SH2B1: variants seen among roughly 807,000 people sequenced by gnomAD.
SH2B1 encodes the protein SH2B adapter protein 1.
SH2B1 carries 15 observed loss-of-function variants against 62.6 expected under a neutral mutation model. The observed-to-expected ratio is 0.24, with a 90% confidence interval of 0.16 to 0.37. SH2B1 has a LOEUF of 0.37. Ranked by LOEUF, SH2B1 falls within the 10% of genes least tolerant of loss-of-function variation. SH2B1 has a pLI of 1.00. For synonymous variants in SH2B1, 443 were observed against 438.0 expected (o/e 1.01, Z -0.14); for missense variants, 925 against 1,015.6 (o/e 0.91, Z 1.21).
In SH2B1 at chr16:28,873,556, A is replaced by T; in HGVS notation, c.2007A>T (p.Ala669=). 1 of 1,595,122 alleles carries T rather than the reference A, an allele frequency of 6.3e-7. No individual in the cohort carries two copies. The highest frequency in any genetic ancestry group is 8.5e-7 in the Non-Finnish European group (1 of 1,171,744). ...EASRAPEVAA[A]AAAAAKERQE... ...CGAGGGCGCCAGAAGTGGCGGCAGC[A>T]GCAGCCGCAGCAGCCAAAGAGAGGC... is the stretch of plus-strand genomic sequence containing the variant. Residue 669 remains alanine (A), a synonymous_variant, in exon 8 of 8, where the codon GCA becomes GCT. Transcript: ENST00000684370. The surrounding 1 kb of genome is among the most constrained non-coding windows in gnomAD (Gnocchi z 4.2).
At chr16:28,852,249 T>TATATATTTAC (rs1962122556) in intron 1 of SH2B1, among the ~76,000 whole-genome samples, 1 of 83,564 alleles carries the variant, frequency 1.2e-5, no homozygotes, top group Non-Finnish European at 2.1e-5. Context: ...TATATTTACA[T>TATATATTTAC]ATATATATTT....
intron 4 of SH2B1, among the ~76,000 whole-genome samples, chr16:28,870,255 G>A (rs1174238472): frequency 2.6e-5 from 4 of 152,190 alleles, no homozygotes; most frequent in Non-Finnish European, 5.9e-5. Context: ...TGCCTGAGAT[G>A]AGCTCCTTGT....
upstream of SH2B1, chr16:28,861,736 G>A (rs535285716): frequency 2.3e-4 from 35 of 152,422 alleles, no homozygotes; most frequent in Admixed American, 2.2e-3. Flanking sequence ...GCCCGGCCTT[G>A]AACATTCTTA....
intron 1 of SH2B1, 83 bp downstream of exon 1, chr16:28,867,116 G>T (rs535035695): frequency 1.3e-6 from 2 of 1,567,546 alleles, no homozygotes; most frequent in Admixed American, 1.7e-5. Flanking sequence ...AAGCTCTGGG[G>T]TTTACCAGCC....
At chr16:28,859,548 T>C (rs1037756863), upstream of SH2B1, among the ~76,000 whole-genome samples, 1 of 151,996 alleles carries the variant, frequency 6.6e-6, no homozygotes, top group Non-Finnish European at 1.5e-5. Context: ...TCCCTGAGAA[T>C]GAAGACAGTC....
At chr16:28,858,311 G>C (rs956713634) in intron 1 of SH2B1, among the ~76,000 whole-genome samples, 3 of 151,982 alleles carry the variant, frequency 2.0e-5, no homozygotes, top group Non-Finnish European at 4.4e-5. Flanking sequence ...TCAGGAGTTC[G>C]AGAGCAGCCT....
intron 1 of SH2B1, among the ~76,000 whole-genome samples, chr16:28,847,586 G>A (rs1309391193): frequency 6.6e-6 from 1 of 152,092 alleles, no homozygotes; most frequent in African/African-American, 2.4e-5. Context: ...GGGAGGCTGA[G>A]GTGGGAGGAC....
intron 1 of SH2B1, among the ~76,000 whole-genome samples, chr16:28,854,210 T>C (rs945964082): frequency 2.0e-5 from 3 of 151,664 alleles, no homozygotes; most frequent in African/African-American, 7.3e-5. Flanking sequence ...GGAGGATCAC[T>C]TGATCACTTG....
rs180911858 is a variant in SH2B1 at position 28,856,208 on chromosome 16, C to T, written c.-300-5410C>T. Among the ~76,000 whole-genome samples, 4 of 145,456 alleles carry T rather than the reference C, an allele frequency of 2.7e-5. No individual in the cohort carries two copies. The East Asian group carries it at 8.3e-4, about 30-fold the overall frequency. Reference sequence around the variant, plus strand: ...AGAATCACTTGAATCCGGAGGTGGACATTGCAGTGAGCCCAGATCACGCCA... The same window carrying T: ...AGAATCACTTGAATCCGGAGGTGGATATTGCAGTGAGCCCAGATCACGCCA... On this transcript the variant is annotated intron_variant, in intron 1 of 10. Transcript: ENST00000322610.
chr16:28,869,094 C>T lies in SH2B1; in HGVS notation c.1130C>T (p.Pro377Leu), dbSNP rs777552083. 1.9e-6 allele frequency: 3 copies of T among 1,613,970 alleles called. No individual in the cohort carries two copies. The African/African-American group carries it at 4.0e-5, about 22-fold the overall frequency. Residue 377 changes from proline to leucine, a missense_variant, in exon 3 of 8, where the codon CCA (proline) becomes CTA (leucine). Physicochemically the swap from Pro to Leu is moderately conservative, Grantham distance 98. Coordinates refer to ENST00000684370, the MANE Select transcript of SH2B1 (RefSeq NM_001387430.1). ...TCTGACATCCAAGAATGCCTGAGCC[C>T]AGGGTGAGAAGCCTGACTTCTGTCG... is the stretch of plus-strand genomic sequence containing the variant. ...WVSDIQECLS[P>L]GPCPATSPRP...
Position 28,864,054 on chromosome 16 carries a change from G to T in SH2B1, c.-2041G>T, listed in dbSNP as rs1258674974. 2.9e-6 allele frequency: 4 copies of T among 1,368,656 alleles called. No individual in the cohort carries two copies. Among genetic ancestry groups the T allele is most frequent in the East Asian group, 2.9e-5 (1 of 34,134 alleles). 84.8% of individuals were successfully genotyped at this position (1,368,656 alleles called of 1,614,324 possible). On this transcript the variant is annotated 5_prime_UTR_variant, in exon 1 of 8. Coordinates refer to ENST00000684370, the MANE Select transcript of SH2B1 (RefSeq NM_001387430.1). ...TGGGGGTGGGCGTGGAGGGCCGGGG[G>T]CTGGAGAGGCACTCGGCCCCGGAGA... is the stretch of plus-strand genomic sequence containing the variant.
upstream of SH2B1, among the ~76,000 whole-genome samples, chr16:28,859,879 C>G (rs866604379): frequency 8.7e-3 from 1,213 of 139,650 alleles, 22 homozygotes; most frequent in African/African-American, 0.032. Flanking sequence ...CCCCCCCCCC[C>G]CGGCTGTTTT....
upstream of SH2B1, chr16:28,862,152 G>A (rs1160159720): frequency 2.6e-5 from 4 of 152,190 alleles, no homozygotes; most frequent in South Asian, 4.1e-4. Context: ...ATGGGTGGAG[G>A]ATCTCACTGT....
At position 28,866,002 on chromosome 16, in the gene SH2B1, C is replaced by G. The variant is rs2152174658; in HGVS notation, c.-93C>G. The stretch of plus-strand genomic sequence containing the variant: ...TGACCCTCGTGTGTGCCTCTCTCTT[C>G]CTTTCGCAGCTGCTGCCGCCCACCC... On this transcript the variant is annotated 5_prime_UTR_variant, in exon 1 of 8. Coordinates refer to ENST00000684370, the MANE Select transcript of SH2B1 (RefSeq NM_001387430.1). The surrounding 1 kb of genome is among the most constrained non-coding windows in gnomAD (Gnocchi z 6.3). The G allele has an allele frequency of 6.7e-7, 1 of 1,499,484 alleles. No homozygotes were observed. The highest frequency in any genetic ancestry group is 8.8e-7 in the Non-Finnish European group (1 of 1,133,514). The allele number at this position is 1,499,484 out of a possible 1,614,324, so 92.9% of individuals were successfully genotyped here. A position where few individuals can be genotyped will look rare whatever the true frequency, so the allele number is the denominator to read the frequency against.
chr16:28,865,863 G>A lies in SH2B1; in HGVS notation c.-232G>A. The A allele has an allele frequency of 7.6e-7, 1 of 1,310,470 alleles. No homozygotes were observed. Among genetic ancestry groups the A allele is most frequent in the Non-Finnish European group, 9.7e-7 (1 of 1,032,804 alleles). 81.2% of individuals were successfully genotyped at this position (1,310,470 alleles called of 1,614,324 possible). On this transcript the variant is annotated 5_prime_UTR_variant, in exon 1 of 8. An upstream open reading frame in the 5' UTR gains an earlier in-frame stop. Transcript: ENST00000684370. ...GGGGCCTGCAGGGTGCCAGGATCTGGGAGAGGGAAGGGAGGTGTTGGGCTC... is the reference window on the plus strand; with the variant it reads ...GGGGCCTGCAGGGTGCCAGGATCTGAGAGAGGGAAGGGAGGTGTTGGGCTC...
upstream of SH2B1, chr16:28,861,798 G>C (rs992160514): frequency 6.6e-6 from 1 of 152,312 alleles, no homozygotes; most frequent in African/African-American, 2.4e-5. Context: ...ATTTGTCTTC[G>C]AGTTCCAGGA....
Position 28,873,911 on chromosome 16 carries a change from C to G in SH2B1, c.*91C>G. 7.9e-7 allele frequency: 1 copy of G among 1,259,506 alleles called. No individual in the cohort carries two copies. 78.0% of individuals were successfully genotyped at this position (1,259,506 alleles called of 1,614,324 possible). A position where few individuals can be genotyped will look rare whatever the true frequency, so the allele number is the denominator to read the frequency against. ...GGACAGAGGAGGCCGAAATCCCTCCCCCATGCTTCCTGACCCTTGTTGGCC... is the reference window on the plus strand; with the variant it reads ...GGACAGAGGAGGCCGAAATCCCTCCGCCATGCTTCCTGACCCTTGTTGGCC... On this transcript the variant is annotated 3_prime_UTR_variant, in exon 8 of 8. Transcript: ENST00000684370. The surrounding 1 kb of genome is among the most constrained non-coding windows in gnomAD (Gnocchi z 4.2).
chr16:28,867,265 T>G, intron 1 of SH2B1, 66 bp from the exon 2 acceptor site: 1 of 1,355,550 alleles, frequency 7.4e-7, no homozygotes, highest in Non-Finnish European at 1.1e-6. Flanking sequence ...GATGAATGTC[T>G]GGAGGGAGGG....
rs752390804 is a variant in SH2B1, at chr16:28,873,554, G to A, written c.2005G>A (p.Ala669Thr). Residue 669 changes from alanine to threonine, a missense_variant, in exon 8 of 8, where the codon GCA becomes ACA. By Grantham distance (58) the Ala-to-Thr change is moderately conservative. Transcript: ENST00000684370. The surrounding 1 kb of genome is among the most constrained non-coding windows in gnomAD (Gnocchi z 4.2). ...GTCGAGGGCGCCAGAAGTGGCGGCA[G>A]CAGCAGCCGCAGCAGCCAAAGAGAG... is the stretch of plus-strand genomic sequence containing the variant. ...EASRAPEVAA[A>T]AAAAAKERQE... 1 of 1,594,136 alleles carries A rather than the reference G, an allele frequency of 6.3e-7. No homozygotes were observed. Among genetic ancestry groups the A allele is most frequent in the Non-Finnish European group, 8.5e-7 (1 of 1,171,380 alleles).
Sources: gnomAD v4.1 joint callset for allele counts (sites outside exome capture counted in the v4.1 genomes callset) on GRCh38, gnomAD v4.1.1 for gene constraint, Gnocchi (gnomAD v3.1) non-coding constraint, MANE v1.5 for transcripts, NCBI Gene and HGNC (gene_info 2026-07-23, HGNC 2026-07-21) for gene names.